The following TSPAN18 variants were observed in gnomAD, a reference collection of about 807,000 sequenced individuals.
TSPAN18 encodes the protein tetraspanin-18.
In TSPAN18, 14 loss-of-function variants were observed where a neutral mutation model predicts 27.3. The observed-to-expected ratio is 0.51, with a 90% confidence interval of 0.34 to 0.80. TSPAN18 has a LOEUF of 0.80. Ranked by LOEUF, TSPAN18 falls within the 30% of genes least tolerant of loss-of-function variation. TSPAN18 has a pLI of 0.01. For synonymous variants in TSPAN18, 143 were observed against 136.5 expected, an observed-to-expected ratio of 1.05 and a Z score of -0.33; for missense variants, 268 against 323.9, an observed-to-expected ratio of 0.83 and a Z score of 1.32.
At chr11:44,859,653 G>A (rs558454859) in intron 2 of TSPAN18, 1 of 152,372 alleles carries the variant, frequency 6.6e-6, no homozygotes, top group East Asian at 1.9e-4. Context: ...TAGAGGTGGT[G>A]AGCATCGTCC....
chr11:44,891,404 A>G (rs73454526), intron 3 of TSPAN18, among the ~76,000 whole-genome samples: 3,138 of 152,226 alleles, frequency 0.021, 85 homozygotes, highest in African/African-American at 0.071. Flanking sequence ...GCCCAGTTCA[A>G]TTACAGGTCA....
In TSPAN18 at chr11:44,774,323, G is replaced by T. The variant is rs535970774; in HGVS notation, c.-153+9811G>T. On this transcript the variant is annotated intron_variant, in intron 2 of 9. Transcript: ENST00000520358. ...TATCTGCTTTCTGTCCCTGGGGGAAGCTCCTCAGACAGGCTCATTCCTGCA... is the reference window on the plus strand; with the variant it reads ...TATCTGCTTTCTGTCCCTGGGGGAATCTCCTCAGACAGGCTCATTCCTGCA... Among the ~76,000 whole-genome samples, 55 of 152,356 alleles carry T rather than the reference G, an allele frequency of 3.6e-4. 1 individual carries two copies. The South Asian group carries it at 0.011, about 32-fold the overall frequency.
At chr11:44,912,833 A>T (rs113890834) in intron 5 of TSPAN18, among the ~76,000 whole-genome samples, 193 of 149,184 alleles carry the variant, frequency 1.3e-3, no homozygotes, top group African/African-American at 4.5e-3. Flanking sequence ...TTACATGTGC[A>T]TGGGTGTCAT....
intron 3 of TSPAN18, among the ~76,000 whole-genome samples, chr11:44,885,124 A>ATGGC (rs1261705663): frequency 6.6e-6 from 1 of 152,132 alleles, no homozygotes; most frequent in Non-Finnish European, 1.5e-5. Context: ...TAGGTATTAT[A>ATGGC]TGGCCCCTTA....
chr11:44,798,570 A>G (rs546516810), intron 2 of TSPAN18, among the ~76,000 whole-genome samples: 7 of 152,190 alleles, frequency 4.6e-5, no homozygotes, highest in East Asian at 3.9e-4. Flanking sequence ...GGGGGCCCCA[A>G]ATTTGGTGTT....
chr11:44,891,833 G>A (rs1378003928), intron 3 of TSPAN18, among the ~76,000 whole-genome samples: 1 of 152,214 alleles, frequency 6.6e-6, no homozygotes, highest in Non-Finnish European at 1.5e-5. Flanking sequence ...TTTCTGGCCA[G>A]TGAGGCTCCT....
At chr11:44,824,986 C>A (rs771292581) in intron 2 of TSPAN18, among the ~76,000 whole-genome samples, 3 of 152,190 alleles carry the variant, frequency 2.0e-5, no homozygotes, top group Admixed American at 6.5e-5. Flanking sequence ...AGACACTAAA[C>A]CCATCCTCCC....
chr11:44,839,989 A>C (rs1048820749), intron 2 of TSPAN18, among the ~76,000 whole-genome samples: 1 of 152,162 alleles, frequency 6.6e-6, no homozygotes, highest in South Asian at 2.1e-4. Flanking sequence ...GATGGGACCC[A>C]TGGCCAAGGA....
Position 44,821,254 on chromosome 11 carries a change from T to C in TSPAN18, c.-152-39074T>C, listed in dbSNP as rs1856922823. ...ACTCCTCAGTGTACACATGGGAAACTGAAGCACAGAGAGGGGATGTAGTCC... is the reference window on the plus strand; with the variant it reads ...ACTCCTCAGTGTACACATGGGAAACCGAAGCACAGAGAGGGGATGTAGTCC... On this transcript the variant is annotated intron_variant, in intron 2 of 9. Coordinates refer to ENST00000520358, the MANE Select transcript of TSPAN18 (RefSeq NM_130783.5). Among the ~76,000 whole-genome samples, 3 of 152,220 alleles carry C rather than the reference T, an allele frequency of 2.0e-5. No homozygotes were observed. The South Asian group carries it at 6.2e-4, about 32-fold the overall frequency.
Position 44,891,667 on chromosome 11 carries a change from G to A in TSPAN18, c.-10-14740G>A, listed in dbSNP as rs180742319. Among the ~76,000 whole-genome samples, 10 of 152,288 alleles carry A rather than the reference G, an allele frequency of 6.6e-5. No individual in the cohort carries two copies. In the East Asian group the frequency reaches 7.7e-4, roughly 12 times the overall value. ...GAGGATTGGTGGGACTGCTGTGGCCGTCAGCCCATGTGTGTGTATAGGGGG... is the reference window on the plus strand; with the variant it reads ...GAGGATTGGTGGGACTGCTGTGGCCATCAGCCCATGTGTGTGTATAGGGGG... On this transcript the variant is annotated intron_variant, in intron 3 of 9. Transcript: ENST00000520358.
intron 2 of TSPAN18, among the ~76,000 whole-genome samples, chr11:44,789,200 A>G (rs1006797463): frequency 2.0e-5 from 3 of 152,230 alleles, no homozygotes. Flanking sequence ...TGCGTGACGC[A>G]GAGCCGTGAT....
rs113055943 is a variant in TSPAN18 at position 44,830,225 on chromosome 11, G to A, written c.-152-30103G>A. On this transcript the variant is annotated intron_variant, in intron 2 of 9. Coordinates refer to ENST00000520358, the MANE Select transcript of TSPAN18 (RefSeq NM_130783.5). ...TGGCTGGCCCCTCTTATTCTTCAGTGTTCAATGCAGATACATCTCCTTGGA... is the reference window on the plus strand; with the variant it reads ...TGGCTGGCCCCTCTTATTCTTCAGTATTCAATGCAGATACATCTCCTTGGA... 4.1e-3 allele frequency among the ~76,000 whole-genome samples: 628 copies of A among 152,310 alleles called. 4 individuals are homozygous for A. Among genetic ancestry groups the A allele is most frequent in the Non-Finnish European group, 6.8e-3 (463 of 68,042 alleles).
chr11:44,926,214 G>T (rs1860347046), intron 8 of TSPAN18, among the ~76,000 whole-genome samples: 1 of 152,162 alleles, frequency 6.6e-6, no homozygotes. Context: ...GAGTGGGTGT[G>T]AAACAATAGG....
At chr11:44,836,014 G>C (rs1410895010) in intron 2 of TSPAN18, among the ~76,000 whole-genome samples, 1 of 152,166 alleles carries the variant, frequency 6.6e-6, no homozygotes, top group East Asian at 1.9e-4. Context: ...CTCTCCTTGG[G>C]CCTTCCTATT....
rs535800749 is a variant in TSPAN18 at position 44,893,794 on chromosome 11, T to C, written c.-10-12613T>C. 3.9e-5 allele frequency among the ~76,000 whole-genome samples: 6 copies of C among 152,290 alleles called. No individual in the cohort carries two copies. In the East Asian group the frequency reaches 1.2e-3, roughly 29 times the overall value. The stretch of plus-strand genomic sequence containing the variant: ...ATTTTAAGTGAACGCCCATAATACA[T>C]TGCCTTGCGTTAATATCAGGCCTTA... On this transcript the variant is annotated intron_variant, in intron 3 of 9. Transcript: ENST00000520358.
chr11:44,841,374 G>T, intron 2 of TSPAN18, among the ~76,000 whole-genome samples: 1 of 152,072 alleles, frequency 6.6e-6, no homozygotes, highest in East Asian at 1.9e-4. Context: ...AAAATTAGCC[G>T]AGAGTGGTGA....
At chr11:44,907,264 G>C (rs1477026652) in intron 4 of TSPAN18, among the ~76,000 whole-genome samples, 2 of 152,168 alleles carry the variant, frequency 1.3e-5, no homozygotes, top group African/African-American at 2.4e-5. Context: ...CCCAGGAGTA[G>C]AGCTGTGGCC....
intron 2 of TSPAN18, among the ~76,000 whole-genome samples, chr11:44,783,778 C>G (rs558315375): frequency 2.0e-5 from 3 of 152,336 alleles, no homozygotes; most frequent in East Asian, 3.9e-4. Flanking sequence ...CCCCTCTGCC[C>G]ATCAATGTCT....
At chr11:44,768,676 C>A (rs1047393852) in intron 2 of TSPAN18, among the ~76,000 whole-genome samples, 2 of 152,150 alleles carry the variant, frequency 1.3e-5, no homozygotes, top group Non-Finnish European at 2.9e-5. Context: ...CTTAGCAGGA[C>A]AGCCTCAAAT....
Sources: gnomAD v4.1 joint callset for allele counts (sites outside exome capture counted in the v4.1 genomes callset) on GRCh38, gnomAD v4.1.1 for gene constraint, MANE v1.5 for transcripts, NCBI Gene and HGNC (gene_info 2026-07-23, HGNC 2026-07-21) for gene names.